NLGN1: variants seen among roughly 807,000 people sequenced by gnomAD.
The protein encoded by NLGN1 is neuroligin 1.
A neutral mutation model predicts 65.5 loss-of-function variants in NLGN1; 12 were observed. That is an observed-to-expected ratio of 0.18 (90% CI 0.12 to 0.30). The LOEUF (loss-of-function observed/expected upper bound fraction) is 0.30. Among genes scored for constraint, NLGN1 ranks in the 10% least tolerant of loss-of-function variants. The pLI is 1.00. For synonymous variants in NLGN1, 350 were observed against 359.5 expected, an observed-to-expected ratio of 0.97 and a Z score of 0.30; for missense variants, 750 against 1,007.1, an observed-to-expected ratio of 0.74 and a Z score of 3.46.
chr3:173,708,952 C>T (rs1389356485), intron 3 of NLGN1, among the ~76,000 whole-genome samples: 1 of 152,082 alleles, frequency 6.6e-6, no homozygotes, highest in Non-Finnish European at 1.5e-5. Flanking sequence ...GTTCTCAAAA[C>T]GTTATTTCCG....
chr3:173,434,617 G>C (rs889303235), intron 1 of NLGN1, among the ~76,000 whole-genome samples: 2 of 152,186 alleles, frequency 1.3e-5, no homozygotes, highest in Non-Finnish European at 2.9e-5. Flanking sequence ...AGCTGTTGAT[G>C]TTCACCAGCT....
chr3:173,765,080 GTGTGTGTGTGTGTGTGTGTA>G (rs1288873322), intron 3 of NLGN1, among the ~76,000 whole-genome samples: 2 of 150,650 alleles, frequency 1.3e-5, no homozygotes, highest in African/African-American at 4.9e-5. Flanking sequence ...GTGTGTGTGT[GTGTGTGTGTGTGTGTGTGTA>G]TGTATGCACA....
At chr3:173,547,598 T>C (rs1031313236) in intron 2 of NLGN1, among the ~76,000 whole-genome samples, 2 of 152,186 alleles carry the variant, frequency 1.3e-5, no homozygotes, top group African/African-American at 2.4e-5. Context: ...GTTGATCTTA[T>C]ATACTTATTT....
At chr3:173,415,656 C>G (rs1001597197) in intron 1 of NLGN1, among the ~76,000 whole-genome samples, 1 of 152,062 alleles carries the variant, frequency 6.6e-6, no homozygotes, top group African/African-American at 2.4e-5. Flanking sequence ...AGGTCAAAGT[C>G]TGAAAAGGCA....
At chr3:174,198,095 TC>T (rs1733802563) in intron 4 of NLGN1, among the ~76,000 whole-genome samples, 1 of 152,166 alleles carries the variant, frequency 6.6e-6, no homozygotes, top group African/African-American at 2.4e-5. Context: ...AGAACATGAT[TC>T]CATGAAATCG....
At chr3:173,488,257 A>C (rs1728479549) in intron 2 of NLGN1, among the ~76,000 whole-genome samples, 1 of 151,970 alleles carries the variant, frequency 6.6e-6, no homozygotes, top group Admixed American at 6.6e-5. Flanking sequence ...TATTCATACT[A>C]CTTTGATTTG....
intron 4 of NLGN1, among the ~76,000 whole-genome samples, chr3:174,121,734 G>A (rs193250084): frequency 6.6e-4 from 100 of 152,166 alleles, no homozygotes; most frequent in Admixed American, 6.5e-3. Flanking sequence ...TATACCTCCG[G>A]TAGCTTACAC....
chr3:173,579,472 G>A (rs1019722110), intron 2 of NLGN1, among the ~76,000 whole-genome samples: 2 of 152,202 alleles, frequency 1.3e-5, no homozygotes, highest in African/African-American at 4.8e-5. Flanking sequence ...GTGAGACCAG[G>A]TCTCAAGATA....
chr3:174,143,993 T>A (rs1722751952), intron 4 of NLGN1, among the ~76,000 whole-genome samples: 1 of 152,184 alleles, frequency 6.6e-6, no homozygotes, highest in Non-Finnish European at 1.5e-5. Context: ...GGTATACACG[T>A]GACATGGTGG....
intron 4 of NLGN1, among the ~76,000 whole-genome samples, chr3:173,933,065 A>C (rs1162331925): frequency 1.3e-5 from 2 of 152,204 alleles, no homozygotes; most frequent in Non-Finnish European, 2.9e-5. Context: ...GACAGGCAAC[A>C]GAAAAGCTCA....
intron 2 of NLGN1, among the ~76,000 whole-genome samples, chr3:173,574,536 G>A (rs1441285266): frequency 3.3e-5 from 5 of 151,858 alleles, no homozygotes; most frequent in Admixed American, 3.3e-4. Context: ...ACAGTTGATG[G>A]TTTTAAATAA....
intron 4 of NLGN1, among the ~76,000 whole-genome samples, chr3:174,208,090 G>A (rs1735775327): frequency 6.6e-6 from 1 of 152,120 alleles, no homozygotes; most frequent in South Asian, 2.1e-4. Context: ...ATGAATGGAT[G>A]ATATAAAATG....
intron 3 of NLGN1, among the ~76,000 whole-genome samples, chr3:173,702,448 T>A (rs1177937421): frequency 6.6e-6 from 1 of 152,126 alleles, no homozygotes; most frequent in Admixed American, 6.5e-5. Flanking sequence ...CATAAACAAA[T>A]GTAATTATAA....
At chr3:173,820,921 A>C (rs1720166531) in intron 4 of NLGN1, among the ~76,000 whole-genome samples, 1 of 152,160 alleles carries the variant, frequency 6.6e-6, no homozygotes, top group Middle Eastern at 3.2e-3. Context: ...AATTGTTTGT[A>C]GTTTAACTTT....
chr3:173,563,743 G>C (rs1398621680), intron 2 of NLGN1, among the ~76,000 whole-genome samples: 1 of 151,722 alleles, frequency 6.6e-6, no homozygotes, highest in Non-Finnish European at 1.5e-5. Flanking sequence ...AAATACATAA[G>C]AATTCCATCC....
intron 4 of NLGN1, among the ~76,000 whole-genome samples, chr3:173,931,520 C>T (rs984106763): frequency 6.6e-6 from 1 of 151,994 alleles, no homozygotes; most frequent in Non-Finnish European, 1.5e-5. Flanking sequence ...AAAGAGCATT[C>T]CAGGCAGAAG....
At chr3:173,797,696 C>CAAAAAAAA (rs112560290) in intron 3 of NLGN1, among the ~76,000 whole-genome samples, 1 of 144,684 alleles carries the variant, frequency 6.9e-6, no homozygotes, top group African/African-American at 2.6e-5. Context: ...ACAACAACAA[C>CAAAAAAAA]AACAAAAAAA....
At chr3:173,614,660 G>C (rs1752787623) in intron 3 of NLGN1, among the ~76,000 whole-genome samples, 1 of 152,046 alleles carries the variant, frequency 6.6e-6, no homozygotes, top group Non-Finnish European at 1.5e-5. Flanking sequence ...CAGCCAAGCA[G>C]CCTATCAGTG....
At chr3:173,696,148 A>G (rs1766186813) in intron 3 of NLGN1, among the ~76,000 whole-genome samples, 1 of 152,180 alleles carries the variant, frequency 6.6e-6, no homozygotes, top group Non-Finnish European at 1.5e-5. Flanking sequence ...TGAAGAAACT[A>G]AGTTCCAACT....
Sources: allele counts gnomAD v4.1 joint callset (sites outside exome capture counted in the v4.1 genomes callset), GRCh38; gene constraint gnomAD v4.1.1; transcripts MANE v1.5; gene names NCBI Gene and HGNC (gene_info 2026-07-23, HGNC 2026-07-21).